PDE1A: variants seen among roughly 807,000 people sequenced by gnomAD.
The protein encoded by PDE1A is dual specificity calcium/calmodulin-dependent 3',5'-cyclic nucleotide phosphodiesterase 1A.
A neutral mutation model predicts 61.7 loss-of-function variants in PDE1A; 35 were observed. That is an observed-to-expected ratio of 0.57 (90% CI 0.43 to 0.75). PDE1A has a LOEUF of 0.75. PDE1A is among the 30% of genes least tolerant of loss of function. The pLI, the probability that PDE1A is intolerant of heterozygous loss-of-function variation, is 0.00. For synonymous variants in PDE1A, 232 were observed against 213.2 expected (o/e 1.09, Z -0.77); for missense variants, 597 against 630.6 (o/e 0.95, Z 0.57).
At chr2:182,256,007 C>G (rs16822975) in intron 2 of PDE1A, among the ~76,000 whole-genome samples, 2,479 of 144,968 alleles carry the variant, frequency 0.017, 99 homozygotes, top group East Asian at 0.085. Context: ...GGCTATTTCT[C>G]TCTTCCTAGA....
intron 1 of PDE1A, among the ~76,000 whole-genome samples, chr2:182,273,000 G>A (rs1274538348): frequency 6.6e-6 from 1 of 152,074 alleles, no homozygotes; most frequent in Non-Finnish European, 1.5e-5. Flanking sequence ...TGAAGTTAAT[G>A]TACAAGAGTT....
chr2:182,238,208 G>A (rs1445452005), intron 3 of PDE1A, among the ~76,000 whole-genome samples: 2 of 146,714 alleles, frequency 1.4e-5, no homozygotes, highest in Non-Finnish European at 3.0e-5. Context: ...GGCGGAGCTT[G>A]CAGGGAGCCG....
At chr2:182,160,596 C>T (rs1010088415) in intron 13 of PDE1A, among the ~76,000 whole-genome samples, 10 of 152,096 alleles carry the variant, frequency 6.6e-5, no homozygotes, top group Admixed American at 5.2e-4. Flanking sequence ...ACTCTAAGGC[C>T]GTTAGCCTCA....
At chr2:182,349,182 G>T (rs1180339365) in intron 1 of PDE1A, among the ~76,000 whole-genome samples, 4 of 152,162 alleles carry the variant, frequency 2.6e-5, no homozygotes, top group Non-Finnish European at 5.9e-5. Context: ...TCAATATACT[G>T]AAGATTACAA....
intron 1 of PDE1A, among the ~76,000 whole-genome samples, chr2:182,352,054 A>T (rs1698912129): frequency 6.6e-6 from 1 of 152,218 alleles, no homozygotes; most frequent in South Asian, 2.1e-4. Flanking sequence ...GGGTCTCTTC[A>T]TTCCTACATG....
At chr2:182,392,567 G>A (rs182870838) in intron 1 of PDE1A, among the ~76,000 whole-genome samples, 280 of 151,660 alleles carry the variant, frequency 1.8e-3, no homozygotes, top group African/African-American at 6.4e-3. Flanking sequence ...ACTCATTTCA[G>A]CATTAACGCA....
intron 1 of PDE1A, among the ~76,000 whole-genome samples, chr2:182,291,032 A>C (rs980067463): frequency 6.6e-6 from 1 of 152,052 alleles, no homozygotes; most frequent in African/African-American, 2.4e-5. Flanking sequence ...ATTAAATGCC[A>C]CTGATTCTCC....
chr2:182,317,862 C>T (rs1240922077), intron 1 of PDE1A, among the ~76,000 whole-genome samples: 4 of 151,994 alleles, frequency 2.6e-5, no homozygotes, highest in Admixed American at 6.6e-5. Flanking sequence ...AATAGGTAGA[C>T]GGGGGAGAAA....
the PDE1A span, among the ~76,000 whole-genome samples, chr2:182,583,579 G>A: frequency 2.0e-5 from 3 of 152,126 alleles, no homozygotes; most frequent in African/African-American, 7.2e-5. Flanking sequence ...GGCAATCTAT[G>A]ATTCTCCTCA....
chr2:182,401,507 T>C (rs773498911), intron 1 of PDE1A, among the ~76,000 whole-genome samples: 10 of 152,176 alleles, frequency 6.6e-5, no homozygotes, highest in South Asian at 2.1e-4. Context: ...AACTAGGTAC[T>C]GATGGGAAGT....
At chr2:182,503,565 C>G (rs569203022) in intron 2 of PDE1A, among the ~76,000 whole-genome samples, 2 of 152,078 alleles carry the variant, frequency 1.3e-5, no homozygotes, top group Non-Finnish European at 2.9e-5. Flanking sequence ...CCAAGTGCAC[C>G]CTGCTTGGGG....
upstream of PDE1A, among the ~76,000 whole-genome samples, chr2:182,429,553 C>T: frequency 6.6e-6 from 1 of 152,156 alleles, no homozygotes; most frequent in Admixed American, 6.6e-5. Flanking sequence ...CACACATACC[C>T]TACCCGACTC....
At chr2:182,408,325 C>T (rs1287817129) in intron 1 of PDE1A, among the ~76,000 whole-genome samples, 1 of 152,188 alleles carries the variant, frequency 6.6e-6, no homozygotes, top group Non-Finnish European at 1.5e-5. Context: ...TCAATCTTGG[C>T]TCTGCTACTT....
intron 1 of PDE1A, among the ~76,000 whole-genome samples, chr2:182,299,869 A>G (rs1337371668): frequency 2.6e-5 from 4 of 152,190 alleles, no homozygotes; most frequent in Non-Finnish European, 5.9e-5. Context: ...TCATTTCGAC[A>G]TCCTTCAGAA....
chr2:182,270,931 T>G (rs1692972783), intron 1 of PDE1A, among the ~76,000 whole-genome samples: 1 of 151,894 alleles, frequency 6.6e-6, no homozygotes, highest in South Asian at 2.1e-4. Context: ...AACCCTAACC[T>G]TAATCTAAAA....
At chr2:182,498,435 T>A (rs924226128) in intron 2 of PDE1A, among the ~76,000 whole-genome samples, 13 of 151,174 alleles carry the variant, frequency 8.6e-5, no homozygotes, top group Non-Finnish European at 1.3e-4. Flanking sequence ...TGTATTTTTT[T>A]AAAAAGGCAA....
chr2:182,313,554 A>T (rs1210859441), intron 1 of PDE1A, among the ~76,000 whole-genome samples: 2 of 152,204 alleles, frequency 1.3e-5, no homozygotes, highest in African/African-American at 4.8e-5. Flanking sequence ...GACCACATTG[A>T]ATAGCAGTAA....
At chr2:182,482,886 A>G (rs1468000812) in intron 2 of PDE1A, among the ~76,000 whole-genome samples, 2 of 151,936 alleles carry the variant, frequency 1.3e-5, no homozygotes, top group Non-Finnish European at 2.9e-5. Flanking sequence ...AAACACTACA[A>G]TCAAAAGGCA....
At chr2:182,555,420 C>T in the PDE1A span, among the ~76,000 whole-genome samples, 1 of 152,130 alleles carries the variant, frequency 6.6e-6, no homozygotes, top group Non-Finnish European at 1.5e-5. Context: ...ACTAGTAAAT[C>T]CTGATATATG....
Sources: gnomAD v4.1 joint callset for allele counts (sites outside exome capture counted in the v4.1 genomes callset) on GRCh38, gnomAD v4.1.1 for gene constraint, MANE v1.5 for transcripts, NCBI Gene and HGNC (gene_info 2026-07-23, HGNC 2026-07-21) for gene names.